Variants in PTP4A1 observed in about 807,000 individuals in gnomAD.
PTP4A1 encodes the protein protein tyrosine phosphatase 4A1.
In PTP4A1, 9 loss-of-function variants were observed where a neutral mutation model predicts 20.5. That is an observed-to-expected ratio of 0.44 (90% CI 0.26 to 0.77). The LOEUF (loss-of-function observed/expected upper bound fraction) is 0.77, where lower values mean the gene tolerates loss of function less well. Among genes scored for constraint, PTP4A1 ranks in the 30% least tolerant of loss-of-function variants. The probability of loss-of-function intolerance (pLI) is 0.19; values close to 1 mark genes in which losing one functional copy is unlikely to be tolerated. For missense variants in PTP4A1, 137 were observed against 218.8 expected, an observed-to-expected ratio of 0.63 and a Z score of 2.36; for synonymous variants, 78 against 67.4, an observed-to-expected ratio of 1.16 and a Z score of -0.77.
intron 3 of PTP4A1, among the ~76,000 whole-genome samples, chr6:63,562,494 TG>T: frequency 6.6e-6 from 1 of 152,262 alleles, no homozygotes; most frequent in East Asian, 1.9e-4. Flanking sequence ...CCACCTTGAC[TG>T]GCAAGATACT....
At chr6:63,573,933 T>A (rs1777675816) in intron 1 of PTP4A1, among the ~76,000 whole-genome samples, 1 of 152,182 alleles carries the variant, frequency 6.6e-6, no homozygotes, top group African/African-American at 2.4e-5. Flanking sequence ...TGGTGTAATA[T>A]GTTGTTGCCT....
intron 2 of PTP4A1, among the ~76,000 whole-genome samples, chr6:63,542,138 T>C (rs1013617277): frequency 3.3e-5 from 5 of 151,630 alleles, no homozygotes; most frequent in African/African-American, 7.3e-5. Context: ...TGGATGACAT[T>C]GGAGAATACT....
In PTP4A1 at chr6:63,582,327, A is replaced by C. The variant is rs1036771033; in HGVS notation, c.*2153A>C. 3.3e-5 allele frequency: 5 copies of C among 152,662 alleles called. No homozygotes were observed. Among genetic ancestry groups the C allele is most frequent in the African/African-American group, 4.8e-5 (2 of 41,466 alleles). 9.5% of individuals were successfully genotyped at this position (152,662 alleles called of 1,614,324 possible). The stretch of plus-strand genomic sequence containing the variant: ...TTGAGAGAGAGGATGTGCCATCATG[A>C]TTAATGAAAACTATCTTTTGAGTTT... On this transcript the variant is annotated 3_prime_UTR_variant, in exon 6 of 6. Coordinates refer to ENST00000626021, the MANE Select transcript of PTP4A1 (RefSeq NM_003463.5).
upstream of PTP4A1, among the ~76,000 whole-genome samples, chr6:63,519,775 T>C (rs1159334911): frequency 6.6e-6 from 1 of 152,244 alleles, no homozygotes; most frequent in Non-Finnish European, 1.5e-5. Context: ...CTATTACACT[T>C]GACTTGCAAA....
intron 3 of PTP4A1, among the ~76,000 whole-genome samples, chr6:63,560,338 C>CAA (rs369689231): frequency 1.4e-4 from 7 of 50,458 alleles, no homozygotes; most frequent in Admixed American, 4.0e-4. Flanking sequence ...GACTCCGTCT[C>CAA]AAAAAAAAAA....
chr6:63,539,735 C>T (rs1403886390), intron 2 of PTP4A1, among the ~76,000 whole-genome samples: 2 of 151,568 alleles, frequency 1.3e-5, no homozygotes, highest in African/African-American at 2.4e-5. Flanking sequence ...TACCACTGCA[C>T]TCTAGCCTGG....
chr6:63,576,997 T>C lies in PTP4A1; in HGVS notation c.105+12T>C. 6.3e-7 allele frequency: 1 copy of C among 1,583,490 alleles called. No homozygotes were observed. Among genetic ancestry groups the C allele is most frequent in the Non-Finnish European group, 8.7e-7 (1 of 1,153,270 alleles). ...ACAAATTTATAGAGGTAAGATTTGA[T>C]ATGTTTTAGTAGCTTAAATTGATTG... On this transcript the variant is annotated intron_variant, in intron 2 of 5. Transcript: ENST00000626021.
chr6:63,534,463 A>T (rs1364151691), intron 2 of PTP4A1, among the ~76,000 whole-genome samples: 6 of 149,896 alleles, frequency 4.0e-5, no homozygotes, highest in African/African-American at 1.5e-4. Flanking sequence ...ACACACACAC[A>T]CACACACACA....
chr6:63,535,751 C>G (rs999726446), intron 2 of PTP4A1, among the ~76,000 whole-genome samples: 1 of 152,146 alleles, frequency 6.6e-6, no homozygotes, highest in African/African-American at 2.4e-5. Flanking sequence ...AAGCTGACAG[C>G]CTTCCGGAAG....
rs1312562913 is a variant in PTP4A1 at position 63,526,818 on chromosome 6, TATATATATATATATA to T, written c.-905-1000_-905-986del. ...TCTCAAAAATGTATATATATATATA[TATATATATATATATA>T]TATTTATTTATTTATTCTTCTTAAG... On this transcript the variant is annotated intron_variant, in intron 1 of 3. Transcript: ENST00000639568. Among the ~76,000 whole-genome samples the T allele has an allele frequency of 2.1e-5, 3 of 142,568 alleles. No individual in the cohort carries two copies. The East Asian group carries it at 5.9e-4, about 28-fold the overall frequency. The allele number at this position is 142,568 out of a possible 152,430, so 93.5% of individuals were successfully genotyped here. A position where few individuals can be genotyped will look rare whatever the true frequency, so the allele number is the denominator to read the frequency against.
At chr6:63,526,405 C>T (rs963581084) in intron 1 of PTP4A1, among the ~76,000 whole-genome samples, 15 of 152,132 alleles carry the variant, frequency 9.9e-5, no homozygotes, top group African/African-American at 3.6e-4. Context: ...ATTCTATTAT[C>T]AAAAATGAAG....
At chr6:63,529,137 G>GTATATATATGTGTGTATA (rs1562112373) in intron 2 of PTP4A1, among the ~76,000 whole-genome samples, 1 of 136,794 alleles carries the variant, frequency 7.3e-6, no homozygotes, top group African/African-American at 2.8e-5. Flanking sequence ...ATATGTGTGT[G>GTATATATATGTGTGTATA]TATATATATA....
chr6:63,551,022 G>T (rs1776416400), intron 3 of PTP4A1, among the ~76,000 whole-genome samples: 1 of 151,664 alleles, frequency 6.6e-6, no homozygotes, highest in Admixed American at 6.6e-5. Flanking sequence ...ATGTTGATAG[G>T]TTTTTTTTAT....
At chr6:63,542,988 C>T (rs1776044114) in intron 2 of PTP4A1, among the ~76,000 whole-genome samples, 1 of 152,142 alleles carries the variant, frequency 6.6e-6, no homozygotes, top group African/African-American at 2.4e-5. Context: ...TTGCAAACTA[C>T]AAATTTAGAA....
intron 2 of PTP4A1, among the ~76,000 whole-genome samples, chr6:63,545,280 C>A (rs1260930392): frequency 6.6e-6 from 1 of 152,170 alleles, no homozygotes; most frequent in Non-Finnish European, 1.5e-5. Context: ...CCTTTGAGTA[C>A]TTCCTTAATC....
chr6:63,578,934 C>A lies in PTP4A1; in HGVS notation c.235C>A (p.Gln79Lys). ...TGATGATGGTGCACCACCATCCAAC[C>A]AGATTGTTGATGACTGGTTAAGTCT... ...PFDDGAPPSNQIVDDWLSLVK... is the reference protein window; with the variant it reads ...PFDDGAPPSNKIVDDWLSLVK... The change falls in exon 4 of 6, where the codon CAG becomes AAG. Residue 79 changes from glutamine (Q) to lysine (K), a missense_variant. Physicochemically the swap from Gln to Lys is moderately conservative, Grantham distance 53 (BLOSUM62 1). Transcript: ENST00000626021. 6.3e-7 allele frequency: 1 copy of A among 1,596,392 alleles called. No homozygotes were observed. Among genetic ancestry groups the A allele is most frequent in the South Asian group, 1.1e-5 (1 of 87,172 alleles).
chr6:63,530,908 G>C (rs916044295), intron 2 of PTP4A1, among the ~76,000 whole-genome samples: 1 of 152,226 alleles, frequency 6.6e-6, no homozygotes, highest in South Asian at 2.1e-4. Flanking sequence ...GTAATGATTA[G>C]AATGGTTTCC....
At chr6:63,526,535 C>T (rs113411774) in intron 1 of PTP4A1, among the ~76,000 whole-genome samples, 7,363 of 151,736 alleles carry the variant, frequency 0.049, 420 homozygotes, top group African/African-American at 0.14. Context: ...TTAGGCCAGG[C>T]GCAGTGGCTC....
At chr6:63,580,003 TA>T in intron 5 of PTP4A1, 53 bp from the exon 6 acceptor site, 1 of 1,326,570 alleles carries the variant, frequency 7.5e-7, no homozygotes, top group Non-Finnish European at 1.1e-6. Flanking sequence ...AGACACTAAA[TA>T]TTACTGTAGG....
Sources: allele counts gnomAD v4.1 joint callset (sites outside exome capture counted in the v4.1 genomes callset), GRCh38; gene constraint gnomAD v4.1.1; transcripts MANE v1.5; gene names NCBI Gene and HGNC (gene_info 2026-07-23, HGNC 2026-07-21).